KCNT2: variants seen among roughly 807,000 people sequenced by gnomAD.
KCNT2 encodes potassium sodium-activated channel subfamily T member 2.
KCNT2 carries 67 observed loss-of-function variants against 153.8 expected under a neutral mutation model. The observed-to-expected ratio is 0.44, with a 90% CI of 0.36 to 0.53. The LOEUF (loss-of-function observed/expected upper bound fraction) is 0.53, where lower values mean the gene tolerates loss of function less well. Ranked by LOEUF, KCNT2 falls within the 20% of genes least tolerant of loss-of-function variation. The pLI is 0.00. For synonymous variants in KCNT2, 500 were observed against 458.8 expected, an observed-to-expected ratio of 1.09 and a Z score of -1.15; for missense variants, 975 against 1,354.8, an observed-to-expected ratio of 0.72 and a Z score of 4.40.
chr1:196,249,279 A>C (rs1052356960), intron 26 of KCNT2, among the ~76,000 whole-genome samples: 1 of 152,184 alleles, frequency 6.6e-6, no homozygotes, highest in East Asian at 1.9e-4. Flanking sequence ...ATCATTCAAC[A>C]TACTGCTGGA....
Position 196,595,719 on chromosome 1 carries a change from C to A in KCNT2, c.95+12496G>T, listed in dbSNP as rs745924321. 4.6e-5 allele frequency among the ~76,000 whole-genome samples: 7 copies of A among 151,808 alleles called. 1 individual carries two copies. The highest frequency in any genetic ancestry group is 8.8e-5 in the Non-Finnish European group (6 of 67,978). The stretch of plus-strand genomic sequence containing the variant: ...ATTTTTATTTCAATAGTTTTTGGGG[C>A]ACAGGTGGTTTTTGGTTATGTGGAT... On this transcript the variant is annotated intron_variant, in intron 1 of 27. Coordinates refer to ENST00000294725, the MANE Select transcript of KCNT2 (RefSeq NM_198503.5).
rs543705992 is a variant in KCNT2, at chr1:196,372,108, T to G, written c.1403+1032A>C. On this transcript the variant is annotated intron_variant, in intron 14 of 27. Transcript: ENST00000294725. Reference sequence around the variant, plus strand: ...CCTTCCTATTGCACAGATTAAAGGCTTGTAAGTATATAGAATAGAAATATT... The same window carrying G: ...CCTTCCTATTGCACAGATTAAAGGCGTGTAAGTATATAGAATAGAAATATT... 7.9e-5 allele frequency among the ~76,000 whole-genome samples: 12 copies of G among 152,188 alleles called. No individual in the cohort carries two copies. In the South Asian group the frequency reaches 2.5e-3, roughly 32 times the overall value.
intron 1 of KCNT2, among the ~76,000 whole-genome samples, chr1:196,519,549 C>T (rs1456424748): frequency 1.3e-5 from 2 of 151,668 alleles, no homozygotes; most frequent in Non-Finnish European, 2.9e-5. Context: ...AGGCTAATAC[C>T]TAGACTAATA....
At chr1:196,422,898 T>C in intron 12 of KCNT2, 152 bp downstream of exon 12, 1 of 505,882 alleles carries the variant, frequency 2.0e-6, no homozygotes. Context: ...CAACTGTTCT[T>C]ATGGAAAAGA....
At chr1:196,273,338 A>T in intron 25 of KCNT2, 1 of 622,080 alleles carries the variant, frequency 1.6e-6, no homozygotes, top group South Asian at 2.1e-5. Context: ...ATATGCATTT[A>T]AGTTTAAATG....
chr1:196,285,699 C>A lies in KCNT2; in HGVS notation c.2655G>T (p.Gly885=). The part of the protein sequence containing the change: ...AFMFRLPFAA[G]RVFSISMLDT... ...CCAACATACTGATGCTAAACACCCT[C>A]CCAGCAGCAAAAGGCAGTCGAAACA... Residue 885 remains glycine, a synonymous_variant, in exon 23 of 28, where the codon GGG becomes GGT. Coordinates refer to ENST00000294725, the MANE Select transcript of KCNT2 (RefSeq NM_198503.5). 2 of 1,613,400 alleles carry A rather than the reference C, an allele frequency of 1.2e-6. No homozygotes were observed. The highest frequency in any genetic ancestry group is 1.3e-5 in the African/African-American group (1 of 75,014).
chr1:196,511,486 T>C (rs1375083914), intron 1 of KCNT2, among the ~76,000 whole-genome samples: 1 of 152,180 alleles, frequency 6.6e-6, no homozygotes, highest in African/African-American at 2.4e-5. Context: ...CTTGTCATAG[T>C]TCGGAGCGGT....
chr1:196,539,576 C>G (rs541232474), intron 1 of KCNT2, among the ~76,000 whole-genome samples: 1 of 152,014 alleles, frequency 6.6e-6, no homozygotes, highest in Non-Finnish European at 1.5e-5. Context: ...TAATGGTATA[C>G]AGTATTCAGT....
intron 8 of KCNT2, among the ~76,000 whole-genome samples, chr1:196,435,614 C>T (rs914158386): frequency 6.6e-6 from 1 of 151,650 alleles, no homozygotes; most frequent in South Asian, 2.1e-4. Context: ...ACCATGTTGA[C>T]GTACAAATCA....
intron 13 of KCNT2, among the ~76,000 whole-genome samples, chr1:196,388,063 A>T (rs1044553530): frequency 2.0e-5 from 3 of 151,596 alleles, no homozygotes; most frequent in African/African-American, 7.3e-5. Context: ...TACATTTAAG[A>T]GTATAATTTA....
intron 18 of KCNT2, among the ~76,000 whole-genome samples, chr1:196,327,821 C>A (rs1664031723): frequency 6.6e-6 from 1 of 151,866 alleles, no homozygotes; most frequent in Admixed American, 6.6e-5. Context: ...TGGGCACCAG[C>A]ATGCTCGACT....
chr1:196,554,978 G>A (rs527251224), intron 1 of KCNT2, among the ~76,000 whole-genome samples: 15 of 150,930 alleles, frequency 9.9e-5, no homozygotes, highest in Non-Finnish European at 1.3e-4. Context: ...GGGACACAGG[G>A]AACAAACTTC....
intron 3 of KCNT2, among the ~76,000 whole-genome samples, chr1:196,487,674 A>G (rs1284543967): frequency 6.6e-6 from 1 of 152,020 alleles, no homozygotes; most frequent in African/African-American, 2.4e-5. Flanking sequence ...AATATTTAAG[A>G]GCTATTGTAA....
At chr1:196,292,472 G>A (rs1417762281) in intron 22 of KCNT2, among the ~76,000 whole-genome samples, 1 of 152,132 alleles carries the variant, frequency 6.6e-6, no homozygotes, top group East Asian at 1.9e-4. Context: ...GTTCTGGCCA[G>A]AGCAATCAGA....
chr1:196,436,199 T>C (rs1033052381), intron 8 of KCNT2, among the ~76,000 whole-genome samples: 7 of 151,656 alleles, frequency 4.6e-5, no homozygotes, highest in African/African-American at 1.7e-4. Flanking sequence ...CATTGTTTAA[T>C]TGCATATTCT....
chr1:196,273,372 G>A (rs1658249665), intron 25 of KCNT2: 2 of 743,874 alleles, frequency 2.7e-6, no homozygotes, highest in Non-Finnish European at 4.4e-6. Context: ...TAATGTCTGA[G>A]TATTAAATTC....
chr1:196,258,282 C>G lies in KCNT2; in HGVS notation c.3123G>C (p.Leu1041=). The G allele has an allele frequency of 3.7e-6, 6 of 1,614,074 alleles. No homozygotes were observed. Among genetic ancestry groups the G allele is most frequent in the Non-Finnish European group, 5.1e-6 (6 of 1,179,982 alleles). Residue 1041 remains leucine (L), a synonymous_variant, in exon 26 of 28, where the codon CTG becomes CTC. Coordinates refer to ENST00000294725, the MANE Select transcript of KCNT2 (RefSeq NM_198503.5). ...KTAEKITQQR[L]NLYRRSERQE... ...GTCTTTCTGACCTCCTGTAGAGGTT[C>G]AGTCGCTGCTGGGTTATTTTTTCAG...
chr1:196,246,270 C>T (rs1203559408), intron 26 of KCNT2, among the ~76,000 whole-genome samples: 1 of 151,972 alleles, frequency 6.6e-6, no homozygotes, highest in Non-Finnish European at 1.5e-5. Context: ...GTGTTTTCAA[C>T]CCATTGAAAA....
intron 4 of KCNT2, 130 bp from the exon 5 acceptor site, chr1:196,479,368 A>G (rs1321295229): frequency 1.7e-6 from 1 of 583,074 alleles, no homozygotes; most frequent in Non-Finnish European, 3.0e-6. Context: ...AGGACTTATT[A>G]GGCGGTACTT....
Sources: allele counts gnomAD v4.1 joint callset (sites outside exome capture counted in the v4.1 genomes callset), GRCh38; gene constraint gnomAD v4.1.1; transcripts MANE v1.5; gene names NCBI Gene and HGNC (gene_info 2026-07-23, HGNC 2026-07-21).